GFRAL: variants seen among roughly 807,000 people sequenced by gnomAD.
GFRAL encodes the protein GDNF family receptor alpha-like.
GFRAL carries 36 observed loss-of-function variants against 45.4 expected under a neutral mutation model. The observed-to-expected ratio is 0.79, with a 90% CI of 0.61 to 1.05. GFRAL has a LOEUF of 1.05. Ranked by LOEUF, GFRAL falls within the 50% of genes least tolerant of loss-of-function variation. The probability of loss-of-function intolerance (pLI) is 0.00; values close to 1 mark genes in which losing one functional copy is unlikely to be tolerated. For synonymous variants in GFRAL, 166 were observed against 154.1 expected, an observed-to-expected ratio of 1.08 and a Z score of -0.57; for missense variants, 507 against 467.5, an observed-to-expected ratio of 1.08 and a Z score of -0.78.
intron 3 of GFRAL, among the ~76,000 whole-genome samples, chr6:55,340,074 C>T (rs1395973031): frequency 6.6e-6 from 1 of 152,098 alleles, no homozygotes; most frequent in African/African-American, 2.4e-5. Context: ...AAGGACCTGA[C>T]CTGGATTTTG....
chr6:55,331,777 G>A lies in GFRAL; in HGVS notation c.85G>A (p.Glu29Lys), dbSNP rs116111965. 1.2e-6 allele frequency: 2 copies of A among 1,611,500 alleles called. No homozygotes were observed. The highest frequency in any genetic ancestry group is 1.1e-5 in the South Asian group (1 of 90,656). The change falls in exon 2 of 9, where the codon GAG (glutamate) becomes AAG (lysine). Residue 29 changes from glutamate (E) to lysine (K), a missense_variant. By Grantham distance (56) the Glu-to-Lys change is moderately conservative (BLOSUM62 1). Coordinates refer to ENST00000340465, the MANE Select transcript of GFRAL (RefSeq NM_207410.2). ...AACCAATAATTGCACATATTTAAGA[G>A]AGCAATGCTTACGTGATGCAAATGG... The part of the protein sequence containing the change: ...SQTNNCTYLR[E>K]QCLRDANGCK...
chr6:55,364,138 T>C lies in GFRAL; in HGVS notation c.952+5000T>C, dbSNP rs1022053587. On this transcript the variant is annotated intron_variant, in intron 6 of 8. Transcript: ENST00000340465. ...TTTAAATGATTGCCATTCTAAGTGGTGTGAGATGGTATCTCATTGTGGTTT... is the reference window on the plus strand; with the variant it reads ...TTTAAATGATTGCCATTCTAAGTGGCGTGAGATGGTATCTCATTGTGGTTT... 3.0e-4 allele frequency among the ~76,000 whole-genome samples: 45 copies of C among 150,516 alleles called. 1 individual carries two copies. The highest frequency in any genetic ancestry group is 1.5e-5 in the Non-Finnish European group (1 of 67,808).
intron 6 of GFRAL, among the ~76,000 whole-genome samples, chr6:55,378,698 T>C (rs1020269577): frequency 6.6e-6 from 1 of 151,938 alleles, no homozygotes; most frequent in Admixed American, 6.6e-5. Context: ...GTCTGCTGTT[T>C]TTTTTAATCC....
chr6:55,397,782 T>C (rs1768846519), intron 6 of GFRAL, among the ~76,000 whole-genome samples: 1 of 152,186 alleles, frequency 6.6e-6, no homozygotes, highest in Non-Finnish European at 1.5e-5. Context: ...GAGAGATAAC[T>C]GAATGGAACA....
At chr6:55,384,278 A>C (rs1768651558) in intron 6 of GFRAL, among the ~76,000 whole-genome samples, 1 of 151,590 alleles carries the variant, frequency 6.6e-6, no homozygotes, top group Non-Finnish European at 1.5e-5. Flanking sequence ...TATAAAAAAA[A>C]CTCAAGAACT....
chr6:55,349,818 C>G (rs1022341982), intron 3 of GFRAL, among the ~76,000 whole-genome samples: 1 of 150,392 alleles, frequency 6.6e-6, no homozygotes, highest in African/African-American at 2.5e-5. Context: ...TCCGTGCACA[C>G]AGTCTAATCA....
intron 6 of GFRAL, among the ~76,000 whole-genome samples, chr6:55,372,753 G>T (rs374750754): frequency 6.6e-6 from 1 of 152,124 alleles, no homozygotes; most frequent in Non-Finnish European, 1.5e-5. Flanking sequence ...CTAGCTTTGT[G>T]CCAGGAGGAA....
chr6:55,395,151 A>G lies in GFRAL; in HGVS notation c.953-4029A>G, dbSNP rs535977232. On this transcript the variant is annotated intron_variant, in intron 6 of 8. Transcript: ENST00000340465. Reference sequence around the variant, plus strand: ...TCCTAACTCTCCCCTGTTGTTTTCAATCAGCCTATGGAAAAAAAAAAAAAA... The same window carrying G: ...TCCTAACTCTCCCCTGTTGTTTTCAGTCAGCCTATGGAAAAAAAAAAAAAA... Among the ~76,000 whole-genome samples, 28 of 125,318 alleles carry G rather than the reference A, an allele frequency of 2.2e-4. 1 individual carries two copies. The highest frequency in any genetic ancestry group is 8.7e-4 in the African/African-American group (28 of 32,060). The allele number at this position is 125,318 out of a possible 152,430, so 82.2% of individuals were successfully genotyped here. A position where few individuals can be genotyped will look rare whatever the true frequency, so the allele number is the denominator to read the frequency against.
At chr6:55,386,716 A>C (rs1485064732) in intron 6 of GFRAL, among the ~76,000 whole-genome samples, 2 of 152,138 alleles carry the variant, frequency 1.3e-5, no homozygotes, top group African/African-American at 2.4e-5. Context: ...CCTCAAGAGA[A>C]GAGACATGGA....
chr6:55,338,856 CT>C (rs1230220036), intron 3 of GFRAL, among the ~76,000 whole-genome samples: 5 of 152,120 alleles, frequency 3.3e-5, no homozygotes, highest in African/African-American at 1.2e-4. Context: ...ACTTACATAT[CT>C]TTCTAAAGAG....
chr6:55,342,129 A>G (rs940448738), intron 3 of GFRAL, among the ~76,000 whole-genome samples: 3 of 152,236 alleles, frequency 2.0e-5, no homozygotes, highest in African/African-American at 7.2e-5. Context: ...AACTTCCCCA[A>G]TCTAGCAAGG....
chr6:55,395,178 A>ATG (rs1768808295), intron 6 of GFRAL, among the ~76,000 whole-genome samples: 1 of 73,170 alleles, frequency 1.4e-5, no homozygotes, highest in South Asian at 4.8e-4. Context: ...AAAAAAAAAT[A>ATG]TATATATATA....
intron 3 of GFRAL, among the ~76,000 whole-genome samples, chr6:55,348,853 G>A (rs1476881214): frequency 2.0e-5 from 3 of 152,086 alleles, no homozygotes; most frequent in East Asian, 1.9e-4. Flanking sequence ...GGTCTACACA[G>A]TAGTTTCTTG....
chr6:55,395,478 C>T (rs569785133), intron 6 of GFRAL, among the ~76,000 whole-genome samples: 4 of 151,764 alleles, frequency 2.6e-5, no homozygotes, highest in African/African-American at 9.7e-5. Context: ...AATTACTGTT[C>T]AATTTTGTGA....
chr6:55,376,091 C>T (rs770379484), intron 6 of GFRAL, among the ~76,000 whole-genome samples: 10 of 152,156 alleles, frequency 6.6e-5, no homozygotes, highest in Middle Eastern at 3.4e-3. Flanking sequence ...TTATCAAAGG[C>T]CTTTTCTGCA....
chr6:55,332,649 C>T (rs566001125), intron 2 of GFRAL, among the ~76,000 whole-genome samples: 1 of 152,084 alleles, frequency 6.6e-6, no homozygotes, highest in African/African-American at 2.4e-5. Context: ...GTCTCAATTT[C>T]TTGGCCTCGT....
chr6:55,356,023 A>C (rs553148587), intron 5 of GFRAL, among the ~76,000 whole-genome samples: 2 of 145,046 alleles, frequency 1.4e-5, no homozygotes, highest in South Asian at 4.2e-4. Flanking sequence ...TGATGTATCA[A>C]ACTGATTGAT....
At chr6:55,337,761 T>A (rs1767910709) in intron 3 of GFRAL, among the ~76,000 whole-genome samples, 1 of 152,184 alleles carries the variant, frequency 6.6e-6, no homozygotes, top group Non-Finnish European at 1.5e-5. Context: ...TTTTAATATC[T>A]GTAGCAGTTG....
At chr6:55,363,336 C>A (rs1258005692) in intron 6 of GFRAL, among the ~76,000 whole-genome samples, 1 of 151,850 alleles carries the variant, frequency 6.6e-6, no homozygotes, top group Non-Finnish European at 1.5e-5. Flanking sequence ...TTTTTTAAGG[C>A]AATCAAACTA....
Sources: allele counts gnomAD v4.1 joint callset (sites outside exome capture counted in the v4.1 genomes callset), GRCh38; gene constraint gnomAD v4.1.1; transcripts MANE v1.5; gene names NCBI Gene and HGNC (gene_info 2026-07-23, HGNC 2026-07-21).